Variants in TNFSF4 observed in about 807,000 individuals in gnomAD.
TNFSF4 encodes the protein tumor necrosis factor ligand superfamily member 4.
TNFSF4 carries 4 observed loss-of-function variants against 7.3 expected under a neutral mutation model. The observed-to-expected ratio is 0.55, with a 90% CI of 0.27 to 1.25. TNFSF4 has a LOEUF of 1.25. Among genes scored for constraint, TNFSF4 ranks in the 50% most tolerant of loss-of-function variants. TNFSF4 has a pLI of 0.12. For synonymous variants in TNFSF4, 76 were observed against 83.7 expected, an observed-to-expected ratio of 0.91 and a Z score of 0.50; for missense variants, 181 against 208.8, an observed-to-expected ratio of 0.87 and a Z score of 0.82.
the TNFSF4 span, among the ~76,000 whole-genome samples, chr1:173,392,070 T>C: frequency 1.3e-5 from 2 of 152,154 alleles, no homozygotes. Context: ...CTTTAGAATA[T>C]GCCAGTCTGA....
the TNFSF4 span, among the ~76,000 whole-genome samples, chr1:173,395,891 C>T: frequency 6.6e-6 from 1 of 152,036 alleles, no homozygotes; most frequent in Admixed American, 6.6e-5. Flanking sequence ...GTACAAGTGG[C>T]CTCCCAACAA....
At chr1:173,178,838 G>A (rs1007349765), downstream of TNFSF4, among the ~76,000 whole-genome samples, 4 of 152,182 alleles carry the variant, frequency 2.6e-5, no homozygotes, top group Non-Finnish European at 5.9e-5. Context: ...AGATTATCCT[G>A]AATTTTCCAG....
At chr1:173,251,611 G>A in the TNFSF4 span, among the ~76,000 whole-genome samples, 2 of 152,192 alleles carry the variant, frequency 1.3e-5, no homozygotes, top group African/African-American at 4.8e-5. Flanking sequence ...TTGCAGCTGT[G>A]TGACCTTGCA....
the TNFSF4 span, among the ~76,000 whole-genome samples, chr1:173,240,497 G>A: frequency 2.0e-4 from 30 of 152,150 alleles, no homozygotes; most frequent in African/African-American, 5.8e-4. Flanking sequence ...TATTTCTGAG[G>A]TCTATCCATG....
the TNFSF4 span, among the ~76,000 whole-genome samples, chr1:173,216,338 C>T: frequency 6.6e-6 from 1 of 152,144 alleles, no homozygotes; most frequent in East Asian, 1.9e-4. Flanking sequence ...ACTTACTCAT[C>T]GAACATTTTC....
the TNFSF4 span, among the ~76,000 whole-genome samples, chr1:173,339,289 G>A: frequency 0.018 from 2,810 of 152,194 alleles, 97 homozygotes; most frequent in African/African-American, 0.065. Flanking sequence ...GGCTAAGTTG[G>A]GAGGTTCACT....
chr1:173,230,836 A>C, the TNFSF4 span, among the ~76,000 whole-genome samples: 2 of 152,226 alleles, frequency 1.3e-5, no homozygotes, highest in Non-Finnish European at 2.9e-5. Context: ...AATAAACTAG[A>C]AAATCTAGAA....
At chr1:173,277,019 C>G in the TNFSF4 span, among the ~76,000 whole-genome samples, 3 of 152,264 alleles carry the variant, frequency 2.0e-5, 1 homozygote, top group South Asian at 6.2e-4. Flanking sequence ...CAGAACAAGT[C>G]AGCCATAATA....
the TNFSF4 span, among the ~76,000 whole-genome samples, chr1:173,433,052 G>A: frequency 2.0e-5 from 3 of 152,212 alleles, no homozygotes; most frequent in East Asian, 5.8e-4. Context: ...TTAACTCAAT[G>A]TTTATTGACC....
the TNFSF4 span, among the ~76,000 whole-genome samples, chr1:173,332,377 G>A: frequency 0.43 from 65,621 of 151,926 alleles, 14,390 homozygotes; most frequent in East Asian, 0.6. Flanking sequence ...AGGGAAACCA[G>A]CTGGTTGAAA....
the TNFSF4 span, among the ~76,000 whole-genome samples, chr1:173,375,377 A>G: frequency 1.3e-5 from 2 of 152,134 alleles, no homozygotes; most frequent in African/African-American, 4.8e-5. Flanking sequence ...AGCAGTCATC[A>G]CCCAATTCCC....
chr1:173,337,949 T>C, the TNFSF4 span, among the ~76,000 whole-genome samples: 9 of 152,212 alleles, frequency 5.9e-5, no homozygotes, highest in Admixed American at 3.9e-4. Flanking sequence ...GGATCACTTG[T>C]TCTGTGGGTA....
At chr1:173,412,734 G>A in the TNFSF4 span, among the ~76,000 whole-genome samples, 7 of 152,212 alleles carry the variant, frequency 4.6e-5, no homozygotes, top group South Asian at 6.2e-4. Flanking sequence ...AACAGAAGTC[G>A]GAATAGTGAT....
At chr1:173,431,142 T>G in the TNFSF4 span, among the ~76,000 whole-genome samples, 1 of 152,244 alleles carries the variant, frequency 6.6e-6, no homozygotes, top group African/African-American at 2.4e-5. Flanking sequence ...TATTTTGTTG[T>G]TGTAGACCTA....
chr1:173,342,215 C>G, the TNFSF4 span, among the ~76,000 whole-genome samples: 1 of 152,078 alleles, frequency 6.6e-6, no homozygotes, highest in East Asian at 1.9e-4. Context: ...CAGGGTTAAT[C>G]GTTAATCTCT....
At chr1:173,392,541 T>C in the TNFSF4 span, among the ~76,000 whole-genome samples, 1 of 152,204 alleles carries the variant, frequency 6.6e-6, no homozygotes, top group Non-Finnish European at 1.5e-5. Flanking sequence ...GTCCCAAGAA[T>C]CTATTCATTT....
the TNFSF4 span, among the ~76,000 whole-genome samples, chr1:173,230,148 C>A: frequency 2.0e-5 from 3 of 152,150 alleles, no homozygotes; most frequent in Non-Finnish European, 4.4e-5. Context: ...CAGCACCACA[C>A]CACACTTATT....
the TNFSF4 span, among the ~76,000 whole-genome samples, chr1:173,444,847 T>C: frequency 6.6e-6 from 1 of 152,176 alleles, no homozygotes; most frequent in Non-Finnish European, 1.5e-5. Flanking sequence ...CAGGAGTGGT[T>C]GCACACTGTC....
chr1:173,326,270 T>C, the TNFSF4 span, among the ~76,000 whole-genome samples: 1 of 152,182 alleles, frequency 6.6e-6, no homozygotes, highest in Non-Finnish European at 1.5e-5. Context: ...AAAAACCACA[T>C]GATTATCTCA....
Sources: gnomAD v4.1 joint callset for allele counts (sites outside exome capture counted in the v4.1 genomes callset) on GRCh38, gnomAD v4.1.1 for gene constraint, MANE v1.5 for transcripts, NCBI Gene and HGNC (gene_info 2026-07-23, HGNC 2026-07-21) for gene names.